EBF1: variants seen among roughly 807,000 people sequenced by gnomAD.
EBF1 encodes EBF transcription factor 1, also known as transcription factor COE1.
Under a neutral mutation model 68.4 loss-of-function variants are expected in EBF1, and 10 were observed. That is an observed-to-expected ratio of 0.15 (90% confidence interval 0.09 to 0.25). EBF1 has a LOEUF of 0.25. Among genes scored for constraint, EBF1 ranks in the 10% least tolerant of loss-of-function variants. The pLI is 1.00. For synonymous variants in EBF1, 298 were observed against 299.8 expected (o/e 0.99, Z 0.06); for missense variants, 509 against 794.4 (o/e 0.64, Z 4.32).
At chr5:159,086,433 G>A (rs1487798477) in intron 4 of EBF1, among the ~76,000 whole-genome samples, 1 of 152,142 alleles carries the variant, frequency 6.6e-6, no homozygotes, top group Non-Finnish European at 1.5e-5. Flanking sequence ...ATCCAATGCT[G>A]CATCCAGTTA....
chr5:158,854,219 G>T lies in EBF1; in HGVS notation c.555-14109C>A, dbSNP rs572274551. ...CAAGTCATTTGTCTGCAAGACTAGG[G>T]CAGGGTCACTTTGTGCCCATTTTAA... is the stretch of plus-strand genomic sequence containing the variant. On this transcript the variant is annotated intron_variant, in intron 6 of 15. Coordinates refer to ENST00000313708, the MANE Select transcript of EBF1 (RefSeq NM_024007.5). Among the ~76,000 whole-genome samples the T allele has an allele frequency of 1.2e-4, 18 of 152,338 alleles. No individual in the cohort carries two copies. The South Asian group carries it at 3.5e-3, about 30-fold the overall frequency.
chr5:159,081,071 C>G (rs1397761560), intron 5 of EBF1, among the ~76,000 whole-genome samples: 1 of 152,156 alleles, frequency 6.6e-6, no homozygotes, highest in Non-Finnish European at 1.5e-5. Context: ...GCCTGGATCT[C>G]CTGGGCTCAA....
In EBF1 at chr5:158,894,392, A is replaced by C. The variant is rs879384325; in HGVS notation, c.555-54282T>G. On this transcript the variant is annotated intron_variant, in intron 6 of 15. Coordinates refer to ENST00000313708, the MANE Select transcript of EBF1 (RefSeq NM_024007.5). ...CAAACATGAGAAAATAAAAAATAGA[A>C]GGCAGATAAATAAAAAGTAAAATCT... Among the ~76,000 whole-genome samples the C allele has an allele frequency of 1.3e-4, 19 of 148,496 alleles. No homozygotes were observed. The South Asian group carries it at 1.9e-3, about 15-fold the overall frequency.
chr5:158,736,860 T>A (rs77791643), intron 10 of EBF1, among the ~76,000 whole-genome samples: 81 of 152,306 alleles, frequency 5.3e-4, no homozygotes, highest in African/African-American at 1.9e-3. Context: ...GTTTAAAATA[T>A]ATAAACCGAA....
chr5:159,030,199 G>T (rs1005324473), intron 6 of EBF1, among the ~76,000 whole-genome samples: 1 of 151,928 alleles, frequency 6.6e-6, no homozygotes, highest in African/African-American at 2.4e-5. Context: ...ATGTAGAAGT[G>T]CACATGAATT....
intron 6 of EBF1, among the ~76,000 whole-genome samples, chr5:158,965,817 T>C (rs753666444): frequency 1.3e-5 from 2 of 152,200 alleles, no homozygotes; most frequent in Non-Finnish European, 1.5e-5. Flanking sequence ...TTCCCGACCC[T>C]GTAACGTCCT....
intron 6 of EBF1, among the ~76,000 whole-genome samples, chr5:159,038,377 A>G (rs1406814104): frequency 1.3e-5 from 2 of 152,236 alleles, no homozygotes; most frequent in Non-Finnish European, 2.9e-5. Flanking sequence ...CCAATGAAAG[A>G]GACTTTTTAT....
intron 6 of EBF1, among the ~76,000 whole-genome samples, chr5:159,071,549 C>T (rs1320434987): frequency 6.6e-6 from 1 of 152,186 alleles, no homozygotes; most frequent in African/African-American, 2.4e-5. Context: ...CCAGGTAACA[C>T]AATCCTGTTT....
intron 6 of EBF1, among the ~76,000 whole-genome samples, chr5:159,070,707 A>C (rs886311317): frequency 6.6e-6 from 1 of 152,224 alleles, no homozygotes; most frequent in African/African-American, 2.4e-5. Flanking sequence ...CTGCGTGTTA[A>C]AACTATGCTA....
At chr5:158,739,557 A>G (rs981947133) in intron 10 of EBF1, among the ~76,000 whole-genome samples, 9 of 152,078 alleles carry the variant, frequency 5.9e-5, no homozygotes, top group African/African-American at 2.2e-4. Context: ...ATCATTCACG[A>G]TTAGGTTTCA....
chr5:159,096,045 A>C (rs1344835028), intron 3 of EBF1, among the ~76,000 whole-genome samples: 2 of 152,260 alleles, frequency 1.3e-5, no homozygotes, highest in East Asian at 1.9e-4. Flanking sequence ...ATGGGCCTGC[A>C]GCCTGGGCCA....
At chr5:158,759,713 C>T (rs1052705172) in intron 10 of EBF1, among the ~76,000 whole-genome samples, 8 of 152,182 alleles carry the variant, frequency 5.3e-5, no homozygotes, top group Middle Eastern at 6.8e-3. Flanking sequence ...CCAGATCATC[C>T]TCCCTATTTC....
At chr5:158,716,168 T>C (rs530412243) in intron 11 of EBF1, among the ~76,000 whole-genome samples, 2 of 152,310 alleles carry the variant, frequency 1.3e-5, no homozygotes, top group South Asian at 2.1e-4. Flanking sequence ...TCCAAGATCT[T>C]TGAAGTTTTC....
At chr5:158,967,432 G>A (rs1310713406) in intron 6 of EBF1, among the ~76,000 whole-genome samples, 1 of 152,122 alleles carries the variant, frequency 6.6e-6, no homozygotes, top group Non-Finnish European at 1.5e-5. Context: ...CTTGTTGTAG[G>A]ATAAAGTTTC....
At chr5:158,760,591 G>T (rs530101221) in intron 10 of EBF1, among the ~76,000 whole-genome samples, 5 of 151,998 alleles carry the variant, frequency 3.3e-5, no homozygotes, top group Non-Finnish European at 7.4e-5. Context: ...TCTCCCAGCC[G>T]CAACTATTCC....
intron 6 of EBF1, among the ~76,000 whole-genome samples, chr5:158,875,797 C>T (rs1185333009): frequency 1.3e-5 from 2 of 152,350 alleles, no homozygotes; most frequent in South Asian, 2.1e-4. Flanking sequence ...CTCCTATTTA[C>T]ATATACCCAG....
At chr5:158,820,407 C>T (rs1459457959) in intron 8 of EBF1, among the ~76,000 whole-genome samples, 1 of 152,198 alleles carries the variant, frequency 6.6e-6, no homozygotes, top group Non-Finnish European at 1.5e-5. Context: ...TCTAGGTCCA[C>T]TCCCACACAT....
chr5:158,961,787 C>T (rs796557234), intron 6 of EBF1, among the ~76,000 whole-genome samples: 12 of 152,138 alleles, frequency 7.9e-5, no homozygotes, highest in South Asian at 2.1e-4. Context: ...AGTAAAACTC[C>T]GACCAGTGGA....
Position 158,695,963 on chromosome 5 carries a change from A to C in EBF1, c.*3148T>G, listed in dbSNP as rs962643301. 1 of 189,340 alleles carries C rather than the reference A, an allele frequency of 5.3e-6. No individual in the cohort carries two copies. Among genetic ancestry groups the C allele is most frequent in the African/African-American group, 2.4e-5 (1 of 42,338 alleles). 11.7% of individuals were successfully genotyped at this position (189,340 alleles called of 1,614,324 possible). The stretch of plus-strand genomic sequence containing the variant: ...TTTAATTAAATATTGTGAAAGTTGA[A>C]AAGTTTTTACAGCTTGAATTTTTGC... On this transcript the variant is annotated 3_prime_UTR_variant, in exon 16 of 16. Coordinates refer to ENST00000313708, the MANE Select transcript of EBF1 (RefSeq NM_024007.5).
Sources: gnomAD v4.1 joint callset for allele counts (sites outside exome capture counted in the v4.1 genomes callset) on GRCh38, gnomAD v4.1.1 for gene constraint, MANE v1.5 for transcripts, NCBI Gene and HGNC (gene_info 2026-07-23, HGNC 2026-07-21) for gene names.